The following ZSWIM6 variants were observed in gnomAD, a reference collection of about 807,000 sequenced individuals.
The protein encoded by ZSWIM6 is zinc finger SWIM-type containing 6.
ZSWIM6 carries 9 observed loss-of-function variants against 113.2 expected under a neutral mutation model. The observed-to-expected ratio is 0.08, with a 90% confidence interval of 0.05 to 0.14. ZSWIM6 has a LOEUF of 0.14. ZSWIM6 is among the 10% of genes least tolerant of loss of function. ZSWIM6 has a pLI of 1.00. For missense variants in ZSWIM6, 1,162 were observed against 1,552.2 expected (o/e 0.75, Z 4.22); for synonymous variants, 611 against 606.5 (o/e 1.01, Z -0.11).
chr5:61,539,511 G>T (rs2112289874), intron 11 of ZSWIM6, 85 bp from the exon 12 acceptor site: 1 of 1,432,134 alleles, frequency 7.0e-7, no homozygotes, highest in Non-Finnish European at 9.3e-7. Flanking sequence ...CTCTGTGTGT[G>T]TGTATGGTTG....
intron 1 of ZSWIM6, chr5:61,375,690 G>A: frequency 1.3e-6 from 2 of 1,547,234 alleles, no homozygotes; most frequent in Non-Finnish European, 8.7e-7. Context: ...TATCATCTGA[G>A]TCCTTGTCAG....
At chr5:61,356,887 G>A (rs970180464) in intron 1 of ZSWIM6, among the ~76,000 whole-genome samples, 1 of 148,810 alleles carries the variant, frequency 6.7e-6, no homozygotes, top group African/African-American at 2.5e-5. Flanking sequence ...GACAGAAGAA[G>A]TATGGGTTTT....
In ZSWIM6 at chr5:61,386,459, A is replaced by T. The variant is rs997520096; in HGVS notation, c.676+53511A>T. Among the ~76,000 whole-genome samples the T allele has an allele frequency of 5.3e-5, 8 of 151,910 alleles. No individual in the cohort carries two copies. The South Asian group carries it at 1.2e-3, about 24-fold the overall frequency. On this transcript the variant is annotated intron_variant, in intron 1 of 13. Transcript: ENST00000252744. ...TTTTTAATTTCATTTTTTGATTTAC[A>T]TTTTTTTTATAACCACTTCTGCAAC...
chr5:61,471,373 A>G (rs748576453), intron 1 of ZSWIM6, among the ~76,000 whole-genome samples: 5 of 152,124 alleles, frequency 3.3e-5, no homozygotes, highest in African/African-American at 1.2e-4. Context: ...TAGCCTTCCT[A>G]TGCAATGTAG....
intron 4 of ZSWIM6, among the ~76,000 whole-genome samples, chr5:61,517,468 G>T (rs1467558220): frequency 2.0e-5 from 3 of 151,952 alleles, no homozygotes; most frequent in Non-Finnish European, 4.4e-5. Context: ...TTTCTGTTTA[G>T]TTCATTTTTT....
intron 1 of ZSWIM6, among the ~76,000 whole-genome samples, chr5:61,382,697 C>G (rs763826574): frequency 6.6e-6 from 1 of 151,840 alleles, no homozygotes; most frequent in Non-Finnish European, 1.5e-5. Flanking sequence ...CCCAGCTACT[C>G]GGAAGGCTGA....
At chr5:61,495,026 A>G (rs905780737) in intron 4 of ZSWIM6, among the ~76,000 whole-genome samples, 3 of 152,168 alleles carry the variant, frequency 2.0e-5, no homozygotes, top group East Asian at 3.9e-4. Context: ...TTGGTACCCA[A>G]TGTTCATCGC....
intron 2 of ZSWIM6, among the ~76,000 whole-genome samples, chr5:61,478,548 T>C (rs1747767516): frequency 6.6e-6 from 1 of 152,210 alleles, no homozygotes; most frequent in Non-Finnish European, 1.5e-5. Flanking sequence ...GTTAGTACTG[T>C]TATTATATAG....
intron 4 of ZSWIM6, among the ~76,000 whole-genome samples, chr5:61,517,891 C>G (rs892873945): frequency 2.0e-5 from 3 of 150,162 alleles, no homozygotes; most frequent in Non-Finnish European, 4.4e-5. Context: ...GTGTGCTGCA[C>G]CCACTAACTC....
intron 1 of ZSWIM6, among the ~76,000 whole-genome samples, chr5:61,415,485 G>C (rs1328399487): frequency 6.6e-6 from 1 of 152,004 alleles, no homozygotes; most frequent in Non-Finnish European, 1.5e-5. Context: ...CCAGCTACTC[G>C]GGAGGCTGAG....
intron 4 of ZSWIM6, among the ~76,000 whole-genome samples, chr5:61,504,222 T>G (rs1226735838): frequency 6.6e-6 from 1 of 152,192 alleles, no homozygotes; most frequent in East Asian, 1.9e-4. Context: ...TGCACAATAT[T>G]CATGGGTGCC....
chr5:61,427,318 G>A (rs12332333), intron 1 of ZSWIM6, among the ~76,000 whole-genome samples: 5,417 of 152,048 alleles, frequency 0.036, 340 homozygotes, highest in African/African-American at 0.13. Context: ...ATATATATTT[G>A]CATGTAACAT....
chr5:61,533,270 T>TAGAA (rs796123936), intron 9 of ZSWIM6, among the ~76,000 whole-genome samples: 49 of 152,330 alleles, frequency 3.2e-4, no homozygotes, highest in African/African-American at 1.2e-3. Context: ...CTGTAAATGC[T>TAGAA]AGAAGATTGA....
At chr5:61,451,371 GTTAT>G (rs1477714989) in intron 1 of ZSWIM6, among the ~76,000 whole-genome samples, 2 of 152,150 alleles carry the variant, frequency 1.3e-5, no homozygotes, top group African/African-American at 4.8e-5. Flanking sequence ...AGTTAAAAAT[GTTAT>G]TTAAACATTT....
intron 1 of ZSWIM6, among the ~76,000 whole-genome samples, chr5:61,340,289 T>A (rs1235491434): frequency 6.6e-6 from 1 of 152,234 alleles, no homozygotes; most frequent in South Asian, 2.1e-4. Flanking sequence ...AAATGTTTTA[T>A]GTCTGCGGAA....
intron 1 of ZSWIM6, among the ~76,000 whole-genome samples, chr5:61,413,634 C>G (rs1746189605): frequency 1.3e-5 from 2 of 152,274 alleles, no homozygotes; most frequent in South Asian, 4.1e-4. Flanking sequence ...TTTACAGTCC[C>G]ACCAACAGTG....
intron 1 of ZSWIM6, among the ~76,000 whole-genome samples, chr5:61,337,932 G>A (rs889531030): frequency 2.0e-5 from 3 of 152,030 alleles, no homozygotes; most frequent in African/African-American, 4.8e-5. Context: ...TTATCCTTGA[G>A]TTTTTAATTT....
rs1579933497 is a variant in ZSWIM6, at chr5:61,332,407, C to G, written c.135C>G (p.Gly45=). The change falls in exon 1 of 14, where the codon GGC becomes GGG. Residue 45 remains glycine, a synonymous_variant. Coordinates refer to ENST00000252744, the MANE Select transcript of ZSWIM6 (RefSeq NM_020928.2). ...GCTACAGCTCTGCCTGTCGGCCAGG[C>G]CCGCGGGCGGGTGGCGCGGCGGCGG... ...GGGYSSACRP[G]PRAGGAAAAA... is the part of the protein sequence containing the mutation. The G allele has an allele frequency of 2.0e-6, 2 of 994,102 alleles. No individual in the cohort carries two copies. The highest frequency in any genetic ancestry group is 3.5e-5 in the African/African-American group (2 of 56,364). The allele number at this position is 994,102 out of a possible 1,614,324, so 61.6% of individuals were successfully genotyped here. A position where few individuals can be genotyped will look rare whatever the true frequency, so the allele number is the denominator to read the frequency against.
intron 10 of ZSWIM6, among the ~76,000 whole-genome samples, chr5:61,536,141 A>G (rs766726355): frequency 6.6e-6 from 1 of 152,224 alleles, no homozygotes; most frequent in Admixed American, 6.5e-5. Flanking sequence ...AGGAGTCGCT[A>G]TTCGGGGTCC....
Sources: gnomAD v4.1 joint callset for allele counts (sites outside exome capture counted in the v4.1 genomes callset) on GRCh38, gnomAD v4.1.1 for gene constraint, MANE v1.5 for transcripts, NCBI Gene and HGNC (gene_info 2026-07-23, HGNC 2026-07-21) for gene names.